The following DYM variants were observed in gnomAD, a reference collection of about 807,000 sequenced individuals.
DYM encodes dymeclin.
A neutral mutation model predicts 93.1 loss-of-function variants in DYM; 78 were observed. The observed-to-expected ratio is 0.84, with a 90% CI of 0.70 to 1.01. The LOEUF (loss-of-function observed/expected upper bound fraction) is 1.01, where lower values mean the gene tolerates loss of function less well. DYM is among the 50% of genes least tolerant of loss of function. The pLI, the probability that DYM is intolerant of heterozygous loss-of-function variation, is 0.00. For synonymous variants in DYM, 321 were observed against 319.7 expected (o/e 1.00, Z -0.04); for missense variants, 789 against 845.0 (o/e 0.93, Z 0.82).
chr18:49,108,439 A>G (rs188567851), intron 16 of DYM, among the ~76,000 whole-genome samples: 55 of 152,322 alleles, frequency 3.6e-4, no homozygotes, highest in South Asian at 2.1e-4. Flanking sequence ...GCACTCCCCA[A>G]TGAGATGAAC....
At chr18:49,129,350 T>C (rs907687396) in intron 15 of DYM, among the ~76,000 whole-genome samples, 3 of 152,024 alleles carry the variant, frequency 2.0e-5, no homozygotes, top group Admixed American at 6.6e-5. Flanking sequence ...CCCTCCTTAG[T>C]GAGGAGAAAA....
chr18:49,088,342 G>A (rs2078742096), intron 17 of DYM, among the ~76,000 whole-genome samples: 1 of 152,056 alleles, frequency 6.6e-6, no homozygotes, highest in Non-Finnish European at 1.5e-5. Context: ...AGGCTAGCCA[G>A]TTTTCCCAGC....
intron 13 of DYM, among the ~76,000 whole-genome samples, chr18:49,213,236 T>G (rs2080287660): frequency 6.6e-6 from 1 of 151,832 alleles, no homozygotes; most frequent in East Asian, 1.9e-4. Flanking sequence ...TTTCTAATAA[T>G]GTATTTTTCA....
intron 14 of DYM, among the ~76,000 whole-genome samples, chr18:49,197,677 C>T (rs549270689): frequency 1.1e-3 from 161 of 152,108 alleles, no homozygotes; most frequent in African/African-American, 2.6e-3. Context: ...TTACAAGGGA[C>T]GTGAAGGACC....
chr18:49,381,587 G>A (rs1345387806), intron 3 of DYM, among the ~76,000 whole-genome samples: 2 of 152,168 alleles, frequency 1.3e-5, no homozygotes, highest in South Asian at 2.1e-4. Context: ...AAAGTTTAAT[G>A]TGCATTTAAA....
chr18:49,404,668 TAA>T (rs2071249850), intron 2 of DYM, among the ~76,000 whole-genome samples: 1 of 152,192 alleles, frequency 6.6e-6, no homozygotes, highest in Non-Finnish European at 1.5e-5. Context: ...CTCTAATGAT[TAA>T]TGATGTGGAG....
chr18:49,451,796 T>C (rs2082537459), intron 1 of DYM, among the ~76,000 whole-genome samples: 1 of 152,244 alleles, frequency 6.6e-6, no homozygotes, highest in African/African-American at 2.4e-5. Flanking sequence ...CTCCAAAGCT[T>C]ATCATACATT....
chr18:49,045,518 A>G (rs556112500), intron 17 of DYM, among the ~76,000 whole-genome samples: 1 of 152,316 alleles, frequency 6.6e-6, no homozygotes, highest in South Asian at 2.1e-4. Flanking sequence ...TCTACTGACT[A>G]TCTGCTGGCA....
chr18:49,240,963 T>C (rs1277691118), intron 13 of DYM, among the ~76,000 whole-genome samples: 1 of 152,228 alleles, frequency 6.6e-6, no homozygotes, highest in African/African-American at 2.4e-5. Context: ...GTGTGTGTGG[T>C]TGTGGAAAAT....
At chr18:49,437,982 C>G (rs2081006127) in intron 1 of DYM, among the ~76,000 whole-genome samples, 1 of 152,054 alleles carries the variant, frequency 6.6e-6, no homozygotes, top group Non-Finnish European at 1.5e-5. Context: ...ATTGCTTGAG[C>G]CCAGGAGTAC....
chr18:49,449,947 C>T (rs559525079), intron 1 of DYM, among the ~76,000 whole-genome samples: 1 of 152,218 alleles, frequency 6.6e-6, no homozygotes, highest in Admixed American at 6.5e-5. Flanking sequence ...TGAGAGTTAA[C>T]AGTGCAACAT....
intron 13 of DYM, among the ~76,000 whole-genome samples, chr18:49,215,111 C>A (rs2092969584): frequency 6.6e-6 from 1 of 152,204 alleles, no homozygotes; most frequent in Admixed American, 6.5e-5. Context: ...TAAGCTAAAT[C>A]CATTTGTTCT....
At chr18:49,313,462 C>G (rs1277404574) in intron 8 of DYM, among the ~76,000 whole-genome samples, 2 of 28,550 alleles carry the variant, frequency 7.0e-5, no homozygotes, top group Non-Finnish European at 6.3e-5. Flanking sequence ...GACTCTGTCA[C>G]AAAAAAAAAA....
intron 17 of DYM, among the ~76,000 whole-genome samples, chr18:49,053,238 C>T (rs1262466263): frequency 6.6e-6 from 1 of 152,118 alleles, no homozygotes; most frequent in Non-Finnish European, 1.5e-5. Flanking sequence ...AGACCAAAAG[C>T]CTGAAAGCCA....
intron 17 of DYM, among the ~76,000 whole-genome samples, chr18:49,077,432 TTA>T (rs1384933350): frequency 1.3e-5 from 2 of 152,260 alleles, no homozygotes; most frequent in African/African-American, 4.8e-5. Flanking sequence ...GGTAAGGGTG[TTA>T]TATACATTCG....
chr18:49,323,386 C>A lies in DYM; in HGVS notation c.763+8478G>T, dbSNP rs529909637. ...CCAAATTGAGAATTTCAGTGAGGAG[C>A]ATTCCAGCACAAGCTACTTAATACC... On this transcript the variant is annotated intron_variant, in intron 8 of 17. Coordinates refer to ENST00000675505, the MANE Select transcript of DYM (RefSeq NM_001353214.3). Among the ~76,000 whole-genome samples, 82 of 152,234 alleles carry A rather than the reference C, an allele frequency of 5.4e-4. No individual in the cohort carries two copies. In the South Asian group the frequency reaches 1.0e-2, roughly 18 times the overall value.
chr18:49,131,666 A>C (rs1028306335), intron 15 of DYM, among the ~76,000 whole-genome samples: 4 of 152,234 alleles, frequency 2.6e-5, no homozygotes, highest in Admixed American at 2.6e-4. Context: ...TGGAGAAAAC[A>C]GTTTAGTATA....
chr18:49,361,530 T>A (rs1368624256), intron 6 of DYM, among the ~76,000 whole-genome samples: 1 of 152,122 alleles, frequency 6.6e-6, no homozygotes, highest in African/African-American at 2.4e-5. Context: ...GAGATGTAAA[T>A]TGGTTCCACA....
At chr18:49,346,552 TTAGA>T (rs1229648894) in intron 6 of DYM, among the ~76,000 whole-genome samples, 1 of 152,168 alleles carries the variant, frequency 6.6e-6, no homozygotes, top group African/African-American at 2.4e-5. Context: ...TGTTCTAGAA[TTAGA>T]TAGTGGTGTT....
Sources: allele counts gnomAD v4.1 joint callset (sites outside exome capture counted in the v4.1 genomes callset), GRCh38; gene constraint gnomAD v4.1.1; transcripts MANE v1.5; gene names NCBI Gene and HGNC (gene_info 2026-07-23, HGNC 2026-07-21).